The following RPS6KA5 variants were observed in gnomAD, a reference collection of about 807,000 sequenced individuals.
RPS6KA5 encodes ribosomal protein S6 kinase alpha-5.
In RPS6KA5, 27 loss-of-function variants were observed where a neutral mutation model predicts 85.5. That is an observed-to-expected ratio of 0.32 (90% confidence interval 0.23 to 0.44). The LOEUF is 0.44. Ranked by LOEUF, RPS6KA5 falls within the 20% of genes least tolerant of loss-of-function variation. The pLI is 1.00. For synonymous variants in RPS6KA5, 334 were observed against 348.2 expected, an observed-to-expected ratio of 0.96 and a Z score of 0.46; for missense variants, 811 against 980.9, an observed-to-expected ratio of 0.83 and a Z score of 2.31.
At chr14:91,042,225 T>A (rs2042632916) in intron 1 of RPS6KA5, among the ~76,000 whole-genome samples, 2 of 152,154 alleles carry the variant, frequency 1.3e-5, no homozygotes, top group Non-Finnish European at 2.9e-5. Flanking sequence ...CTAAGAATTT[T>A]TTTGGCTGGG....
chr14:91,012,981 C>T (rs1484019706), intron 1 of RPS6KA5, among the ~76,000 whole-genome samples: 1 of 152,108 alleles, frequency 6.6e-6, no homozygotes, highest in Non-Finnish European at 1.5e-5. Context: ...ATAAGACCAG[C>T]AATCCCATCC....
Position 91,050,346 on chromosome 14 carries a change from T to G in RPS6KA5, c.103+9986A>C, listed in dbSNP as rs1026062332. 3.1e-5 allele frequency among the ~76,000 whole-genome samples: 4 copies of G among 128,184 alleles called. No individual in the cohort carries two copies. In the Admixed American group the frequency reaches 3.2e-4, roughly 10 times the overall value. 84.1% of individuals were successfully genotyped at this position (128,184 alleles called of 152,430 possible). ...CGGTGAACTATTATCACCACTGTAT[T>G]CCAGCCTGGGCAACAGAGAAGACCT... On this transcript the variant is annotated intron_variant, in intron 1 of 16. Coordinates refer to ENST00000614987, the MANE Select transcript of RPS6KA5 (RefSeq NM_004755.4).
rs544720845 is a variant in RPS6KA5, at chr14:90,904,300, A to G, written c.958-1331T>C. On this transcript the variant is annotated intron_variant, in intron 8 of 16. Transcript: ENST00000614987. ...AGGTGTGAGCCACTGCGCCTGGCCC[A>G]TAAAATGTTTTTTATTATGCTGTCT... 2.0e-3 allele frequency among the ~76,000 whole-genome samples: 302 copies of G among 152,336 alleles called. 4 individuals are homozygous for G. The highest frequency in any genetic ancestry group is 0.017 in the South Asian group (81 of 4,824).
At chr14:90,969,292 C>T (rs1002402898) in intron 3 of RPS6KA5, among the ~76,000 whole-genome samples, 5 of 152,206 alleles carry the variant, frequency 3.3e-5, no homozygotes, top group Admixed American at 6.5e-5. Context: ...CATCAAAATT[C>T]TGACTTTCTA....
intron 1 of RPS6KA5, among the ~76,000 whole-genome samples, chr14:91,040,455 G>T (rs941641400): frequency 6.6e-6 from 1 of 152,164 alleles, no homozygotes; most frequent in South Asian, 2.1e-4. Flanking sequence ...AACATGGAAA[G>T]CTGGAAGAAA....
chr14:90,927,261 A>C (rs1163749261), intron 5 of RPS6KA5, among the ~76,000 whole-genome samples: 1 of 152,152 alleles, frequency 6.6e-6, no homozygotes, highest in East Asian at 1.9e-4. Context: ...TTAGGCGGAC[A>C]TGAAATCAAA....
At chr14:90,910,675 CATT>C (rs878949574) in intron 7 of RPS6KA5, among the ~76,000 whole-genome samples, 1 of 145,970 alleles carries the variant, frequency 6.9e-6, no homozygotes, top group Non-Finnish European at 1.5e-5. Flanking sequence ...TTATTATTAT[CATT>C]ATTATTATTT....
rs138152158 is a variant in RPS6KA5 at position 90,873,808 on chromosome 14, A to G, written c.1997-13T>C. 6.8e-4 allele frequency: 1,088 copies of G among 1,601,204 alleles called. 9 individuals are homozygous for G. In the African/African-American group the frequency reaches 0.013, roughly 19 times the overall value. On this transcript the variant is annotated splice_polypyrimidine_tract_variant and intron_variant, in intron 15 of 16. Transcript: ENST00000614987. ...ACTGTGAGAAGTCCTTTGGGAATAG[A>G]TATTTTTATTTTATGATTTGTCATT...
chr14:91,034,691 G>A (rs551664199), intron 1 of RPS6KA5, among the ~76,000 whole-genome samples: 1 of 152,300 alleles, frequency 6.6e-6, no homozygotes, highest in South Asian at 2.1e-4. Flanking sequence ...CGCTGTGGAA[G>A]CCTTGTTCTT....
chr14:90,972,846 T>G (rs1050061007), intron 3 of RPS6KA5, among the ~76,000 whole-genome samples: 8 of 151,990 alleles, frequency 5.3e-5, no homozygotes, highest in Non-Finnish European at 1.2e-4. Flanking sequence ...CTACCAGAAA[T>G]GATTAATTAC....
At chr14:90,968,523 T>C (rs970651001) in intron 3 of RPS6KA5, among the ~76,000 whole-genome samples, 6 of 152,156 alleles carry the variant, frequency 3.9e-5, no homozygotes, top group Non-Finnish European at 5.9e-5. Flanking sequence ...ACAGCCTCTA[T>C]TCATTCCTTA....
At chr14:90,992,163 ATTT>A (rs1045040860) in intron 2 of RPS6KA5, among the ~76,000 whole-genome samples, 6 of 152,196 alleles carry the variant, frequency 3.9e-5, no homozygotes, top group Non-Finnish European at 7.3e-5. Flanking sequence ...AAAAATTGAG[ATTT>A]TATTATATTC....
At chr14:91,054,632 T>C (rs543105325) in intron 1 of RPS6KA5, among the ~76,000 whole-genome samples, 12 of 130,852 alleles carry the variant, frequency 9.2e-5, no homozygotes, top group Non-Finnish European at 1.9e-4. Context: ...CAAGACTCTG[T>C]CTCAGAAAAA....
Position 90,890,501 on chromosome 14 carries a change from A to G in RPS6KA5, c.1822T>C (p.Leu608=). Residue 608 remains leucine (L), a synonymous_variant, in exon 14 of 17, where the codon TTG becomes CTG. Coordinates refer to ENST00000614987, the MANE Select transcript of RPS6KA5 (RefSeq NM_004755.4). The part of the protein sequence containing the change: ...GYDESCDLWS[L]GVILYTMLSG... ...AAAGAACTCACCAAAATGACGCCCAAGCTCCACAGGTCACAGGACTCATCG... is the reference window on the plus strand; with the variant it reads ...AAAGAACTCACCAAAATGACGCCCAGGCTCCACAGGTCACAGGACTCATCG... The G allele has an allele frequency of 6.2e-7, 1 of 1,605,814 alleles. No homozygotes were observed. The highest frequency in any genetic ancestry group is 8.5e-7 in the Non-Finnish European group (1 of 1,176,682).
At chr14:91,051,737 C>T (rs2043089560) in intron 1 of RPS6KA5, among the ~76,000 whole-genome samples, 1 of 151,984 alleles carries the variant, frequency 6.6e-6, no homozygotes, top group South Asian at 2.1e-4. Context: ...GATCCACCTG[C>T]CTCGGCCTCC....
At chr14:90,993,876 G>A (rs561824049) in intron 2 of RPS6KA5, among the ~76,000 whole-genome samples, 1 of 151,978 alleles carries the variant, frequency 6.6e-6, no homozygotes, top group Admixed American at 6.6e-5. Flanking sequence ...AGTCTGATTA[G>A]AAAAATGTTG....
rs950219995 is a variant in RPS6KA5 at position 90,866,749 on chromosome 14, TTTC to T, written c.*5322_*5324del. 9.9e-5 allele frequency: 15 copies of T among 152,212 alleles called. No homozygotes were observed. The highest frequency in any genetic ancestry group is 2.9e-4 in the African/African-American group (12 of 41,456). The allele number at this position is 152,212 out of a possible 1,614,324, so 9.4% of individuals were successfully genotyped here. On this transcript the variant is annotated 3_prime_UTR_variant, in exon 17 of 17. Coordinates refer to ENST00000614987, the MANE Select transcript of RPS6KA5 (RefSeq NM_004755.4). ...AAAATTCCTCTATGTGTATATGTGG[TTTC>T]TTCTTCTTTTCAAAAATTCATGCCT...
intron 14 of RPS6KA5, among the ~76,000 whole-genome samples, chr14:90,885,933 G>A (rs1447929916): frequency 1.3e-5 from 2 of 151,716 alleles, no homozygotes; most frequent in Admixed American, 6.6e-5. Flanking sequence ...TCTGGAAAAG[G>A]CAGAATTAAA....
At chr14:91,049,948 G>A (rs1566908759) in intron 1 of RPS6KA5, among the ~76,000 whole-genome samples, 1 of 152,174 alleles carries the variant, frequency 6.6e-6, no homozygotes, top group Admixed American at 6.5e-5. Flanking sequence ...ATACAGTAAC[G>A]CAATTTCATT....
Sources: allele counts gnomAD v4.1 joint callset (sites outside exome capture counted in the v4.1 genomes callset), GRCh38; gene constraint gnomAD v4.1.1; transcripts MANE v1.5; gene names NCBI Gene and HGNC (gene_info 2026-07-23, HGNC 2026-07-21).